HPD: variants seen among roughly 807,000 people sequenced by gnomAD.
The protein encoded by HPD is 4-hydroxyphenylpyruvic acid oxidase.
Under a neutral mutation model 56.9 loss-of-function variants are expected in HPD, and 35 were observed. The ratio of observed to expected loss-of-function variants is 0.62; its 90% confidence interval spans 0.47 to 0.82. The LOEUF (loss-of-function observed/expected upper bound fraction) is 0.82, where lower values mean the gene tolerates loss of function less well. Among genes scored for constraint, HPD ranks in the 40% least tolerant of loss-of-function variants. HPD has a pLI of 0.00. For missense variants in HPD, 442 were observed against 506.8 expected (o/e 0.87, Z 1.23); for synonymous variants, 186 against 200.2 (o/e 0.93, Z 0.60).
At chr12:121,888,282 A>G in the HPD span, among the ~76,000 whole-genome samples, 1 of 152,200 alleles carries the variant, frequency 6.6e-6, no homozygotes, top group Non-Finnish European at 1.5e-5. Context: ...ATTGCTATCA[A>G]TTACTGCCCC....
At chr12:121,841,967 G>A (rs1002625179) in intron 12 of HPD, among the ~76,000 whole-genome samples, 13 of 151,880 alleles carry the variant, frequency 8.6e-5, no homozygotes, top group African/African-American at 2.9e-4. Flanking sequence ...ACAGGCATGA[G>A]CCACCGTGCC....
the HPD span, among the ~76,000 whole-genome samples, chr12:121,877,193 C>A: frequency 4.7e-4 from 71 of 152,104 alleles, no homozygotes; most frequent in African/African-American, 1.6e-3. Flanking sequence ...ACACAACCAC[C>A]CTGTGAGGGA....
the HPD span, among the ~76,000 whole-genome samples, chr12:121,870,819 C>G: frequency 6.6e-6 from 1 of 151,706 alleles, no homozygotes; most frequent in Non-Finnish European, 1.5e-5. Context: ...TGGTCGTGAA[C>G]TCCCGACCTC....
chr12:121,880,801 T>C, the HPD span, among the ~76,000 whole-genome samples: 194 of 152,170 alleles, frequency 1.3e-3, 4 homozygotes, highest in East Asian at 0.035. Flanking sequence ...AGTATCTTAT[T>C]ATTGTTATTA....
intron 11 of HPD, among the ~76,000 whole-genome samples, chr12:121,844,040 T>C (rs573712709): frequency 6.6e-6 from 1 of 152,256 alleles, no homozygotes; most frequent in African/African-American, 2.4e-5. Context: ...ACCATGTGCC[T>C]GCCTTGAGCA....
chr12:121,880,952 G>A, the HPD span, among the ~76,000 whole-genome samples: 5 of 152,094 alleles, frequency 3.3e-5, no homozygotes, highest in South Asian at 4.1e-4. Flanking sequence ...GTCCCACCAC[G>A]CCAGGCTAAT....
chr12:121,843,607 A>G, intron 12 of HPD, 103 bp downstream of exon 12: 2 of 1,331,222 alleles, frequency 1.5e-6, no homozygotes, highest in Non-Finnish European at 1.1e-6. Context: ...GCCAGCAGGG[A>G]CTTGGTCTGG....
chr12:121,853,396 A>T (rs1877874522), intron 7 of HPD, among the ~76,000 whole-genome samples: 1 of 152,052 alleles, frequency 6.6e-6, no homozygotes, highest in Non-Finnish European at 1.5e-5. Context: ...TGGGAGGCTG[A>T]GGCGGGCGGA....
Position 121,845,493 on chromosome 12 carries a change from T to C in HPD, c.831+1369A>G, listed in dbSNP as rs1368493715. Among the ~76,000 whole-genome samples, 12 of 148,892 alleles carry C rather than the reference T, an allele frequency of 8.1e-5. 1 individual carries two copies. The highest frequency in any genetic ancestry group is 4.0e-4 in the East Asian group (2 of 5,036). Reference sequence around the variant, plus strand: ...GCGGGTGCCTGTAGTCCCAGCTACTTGGGAGGCTGAGGCAGGAGAATGGCG... The same window carrying C: ...GCGGGTGCCTGTAGTCCCAGCTACTCGGGAGGCTGAGGCAGGAGAATGGCG... On this transcript the variant is annotated intron_variant, in intron 11 of 13. Coordinates refer to ENST00000289004, the MANE Select transcript of HPD (RefSeq NM_002150.3).
In HPD at chr12:121,857,067, GGTTTTTTGTT is replaced by G. The variant is rs1335288881; in HGVS notation, c.198+251_198+260del. ...TATATGTTTTTGTTGTTGTTGTTGG[GGTTTTTTGTT>G]GTTTTTTGTTTTTTTTTGTTGAGAT... is the stretch of plus-strand genomic sequence containing the variant. On this transcript the variant is annotated intron_variant, in intron 4 of 13. Transcript: ENST00000289004. 3 of 522,814 alleles carry G rather than the reference GGTTTTTTGTT, an allele frequency of 5.7e-6. No homozygotes were observed. In the East Asian group the frequency reaches 1.0e-4, roughly 18 times the overall value. 32.4% of individuals were successfully genotyped at this position (522,814 alleles called of 1,614,324 possible). A position where few individuals can be genotyped will look rare whatever the true frequency, so the allele number is the denominator to read the frequency against.
At chr12:121,848,823 G>C (rs1877668347) in intron 9 of HPD, among the ~76,000 whole-genome samples, 176 bp downstream of exon 9, 2 of 151,924 alleles carry the variant, frequency 1.3e-5, no homozygotes, top group South Asian at 4.1e-4. Flanking sequence ...TCAGGCTGGT[G>C]TTGAACCCCT....
At chr12:121,879,133 A>T in the HPD span, among the ~76,000 whole-genome samples, 1 of 152,038 alleles carries the variant, frequency 6.6e-6, no homozygotes, top group African/African-American at 2.4e-5. Flanking sequence ...AAAAATACAA[A>T]AATTAGCCAG....
At chr12:121,859,129 C>T, upstream of HPD, 1 of 468,592 alleles carries the variant, frequency 2.1e-6, no homozygotes, top group South Asian at 2.2e-5. Flanking sequence ...CCATTACTGC[C>T]CAGAATCCAA....
chr12:121,840,646 C>A (rs1352613095), intron 12 of HPD, among the ~76,000 whole-genome samples: 1 of 151,784 alleles, frequency 6.6e-6, no homozygotes, highest in African/African-American at 2.4e-5. Context: ...TGTTTAAAAT[C>A]CTCCAGTGGA....
Position 121,854,775 on chromosome 12 carries a change from G to A in HPD, c.342C>T (p.Gly114=), listed in dbSNP as rs61742674. Residue 114 remains glycine, a synonymous_variant, in exon 7 of 14, where the codon GGC becomes GGT. Transcript: ENST00000289004. ...CCCAGGGCTCCCGCATGATTTTGGC[G>A]CCCCGTTCCCGTGCTTTCTGCAGAG... ...DYIVQKARER[G]AKIMREPWVE... 720 of 1,613,888 alleles carry A rather than the reference G, an allele frequency of 4.5e-4. 1 individual carries two copies. In the African/African-American group the frequency reaches 7.7e-3, roughly 17 times the overall value.
At chr12:121,852,686 G>A (rs1395615366) in intron 7 of HPD, among the ~76,000 whole-genome samples, 1 of 137,108 alleles carries the variant, frequency 7.3e-6, no homozygotes, top group African/African-American at 2.7e-5. Context: ...CCAGGCTGGA[G>A]TGCAGAGGTG....
upstream of HPD, among the ~76,000 whole-genome samples, chr12:121,859,638 A>C (rs1878125212): frequency 6.6e-6 from 1 of 152,220 alleles, no homozygotes; most frequent in African/African-American, 2.4e-5. Context: ...TGGAGAGGTG[A>C]ACACATGTCT....
chr12:121,878,993 A>G, the HPD span, among the ~76,000 whole-genome samples: 1 of 152,084 alleles, frequency 6.6e-6, no homozygotes, highest in African/African-American at 2.4e-5. Context: ...TCTTTAATAC[A>G]TAACTTATAG....
rs745467129 is a variant in HPD, at chr12:121,857,371, G to T, written c.155C>A (p.Thr52Asn). The part of the protein sequence containing the change: ...FEPLAYRGLE[T>N]GSREVVSHVI... ...ATGGCTGACCACCTCCCGGGAACCG[G>T]TCTCCAGGCCCCTGTAGGCTAGAGG... Residue 52 changes from threonine to asparagine, a missense_variant, in exon 4 of 14, where the codon ACC becomes AAC. Coordinates refer to ENST00000289004, the MANE Select transcript of HPD (RefSeq NM_002150.3). The T allele has an allele frequency of 6.2e-7, 1 of 1,614,132 alleles. No individual in the cohort carries two copies. Among genetic ancestry groups the T allele is most frequent in the South Asian group, 1.1e-5 (1 of 91,084 alleles).
Sources: gnomAD v4.1 joint callset for allele counts (sites outside exome capture counted in the v4.1 genomes callset) on GRCh38, gnomAD v4.1.1 for gene constraint, MANE v1.5 for transcripts, NCBI Gene and HGNC (gene_info 2026-07-23, HGNC 2026-07-21) for gene names.